SAMD5: variants seen among roughly 807,000 people sequenced by gnomAD.
SAMD5 encodes the protein sterile alpha motif domain containing 5, also known as sterile alpha motif domain-containing protein 5.
SAMD5 carries 13 observed loss-of-function variants against 11.3 expected under a neutral mutation model. The observed-to-expected ratio is 1.15, with a 90% CI of 0.75 to 1.83. SAMD5 has a LOEUF of 1.83. SAMD5 is among the 40% of genes most tolerant of loss of function. The pLI, the probability that SAMD5 is intolerant of heterozygous loss-of-function variation, is 0.00. For missense variants in SAMD5, 255 were observed against 239.1 expected (o/e 1.07, Z -0.44); for synonymous variants, 129 against 111.3 (o/e 1.16, Z -1.00).
rs561899356 is a variant in SAMD5 at position 147,712,079 on chromosome 6, A to T, written c.163-25238A>T. Among the ~76,000 whole-genome samples the T allele has an allele frequency of 9.2e-5, 14 of 152,330 alleles. No homozygotes were observed. In the South Asian group the frequency reaches 2.7e-3, roughly 29 times the overall value. On this transcript the variant is annotated intron_variant, in intron 1 of 1. Transcript: ENST00000566741. ...GAGATTGGAAACTATAAGAATTTTT[A>T]AAAATAATAGTTATTAAAATGCATA...
intron 1 of SAMD5, among the ~76,000 whole-genome samples, chr6:147,518,236 T>C (rs1022447038): frequency 2.0e-5 from 3 of 152,114 alleles, no homozygotes; most frequent in Non-Finnish European, 4.4e-5. Context: ...GGTCCTTCTG[T>C]TCTTAGAAAG....
Position 147,532,835 on chromosome 6 carries a change from T to C in SAMD5, c.459+23448T>C, listed in dbSNP as rs1313970069. 5.3e-5 allele frequency among the ~76,000 whole-genome samples: 8 copies of C among 152,306 alleles called. No individual in the cohort carries two copies. In the South Asian group the frequency reaches 1.0e-3, roughly 20 times the overall value. ...AGTACGGTTTATAACATAGTTATAA[T>C]GAGGTTATGAATGGGTCCACGTGCA... On this transcript the variant is annotated intron_variant, in intron 1 of 1. Coordinates refer to ENST00000367474, the MANE Select transcript of SAMD5 (RefSeq NM_001030060.3).
At chr6:147,519,677 CA>C (rs1206256552) in intron 1 of SAMD5, among the ~76,000 whole-genome samples, 1 of 152,180 alleles carries the variant, frequency 6.6e-6, no homozygotes, top group Non-Finnish European at 1.5e-5. Flanking sequence ...GGCAGCTTTA[CA>C]AACTTACTCT....
the SAMD5 span, among the ~76,000 whole-genome samples, chr6:147,831,566 G>A: frequency 6.0e-4 from 91 of 152,160 alleles, no homozygotes; most frequent in African/African-American, 2.1e-3. Flanking sequence ...AGACCTGTAG[G>A]CTTGGGAAAC....
At chr6:147,934,425 A>C in the SAMD5 span, among the ~76,000 whole-genome samples, 1 of 152,156 alleles carries the variant, frequency 6.6e-6, no homozygotes, top group Non-Finnish European at 1.5e-5. Flanking sequence ...TAAGCGAAAA[A>C]TCACCATTCT....
At chr6:147,819,063 ACATGAAATCAACCTAAATGC>A in the SAMD5 span, among the ~76,000 whole-genome samples, 1 of 152,202 alleles carries the variant, frequency 6.6e-6, no homozygotes, top group African/African-American at 2.4e-5. Context: ...AATAGCAAAG[ACATGAAATCAACCTAAATGC>A]CAATCAATGG....
At chr6:147,640,771 A>G (rs952372401) in intron 1 of SAMD5, among the ~76,000 whole-genome samples, 1 of 152,220 alleles carries the variant, frequency 6.6e-6, no homozygotes, top group African/African-American at 2.4e-5. Context: ...AAAAGCACCT[A>G]GAAAAGTTGC....
intron 1 of SAMD5, among the ~76,000 whole-genome samples, chr6:147,624,263 C>T (rs1790015604): frequency 6.6e-6 from 1 of 152,056 alleles, no homozygotes; most frequent in African/African-American, 2.4e-5. Flanking sequence ...CTCAGAAGGC[C>T]GAGCCCAGCT....
At chr6:147,556,249 C>G (rs556459276) in intron 1 of SAMD5, among the ~76,000 whole-genome samples, 2 of 151,920 alleles carry the variant, frequency 1.3e-5, no homozygotes, top group East Asian at 3.9e-4. Flanking sequence ...CCTGCCACCA[C>G]GCCCGGCTAA....
At chr6:147,542,822 C>T (rs951841381) in intron 1 of SAMD5, among the ~76,000 whole-genome samples, 4 of 152,042 alleles carry the variant, frequency 2.6e-5, no homozygotes, top group African/African-American at 9.7e-5. Flanking sequence ...CAATCTAGTC[C>T]CCAGGCATGA....
chr6:147,643,440 T>G (rs1237751701), intron 1 of SAMD5, among the ~76,000 whole-genome samples: 2 of 152,128 alleles, frequency 1.3e-5, no homozygotes, highest in East Asian at 3.9e-4. Context: ...GTGTAGTAGT[T>G]CTATTCCTTC....
At chr6:147,913,818 T>A in the SAMD5 span, among the ~76,000 whole-genome samples, 1 of 152,208 alleles carries the variant, frequency 6.6e-6, no homozygotes, top group African/African-American at 2.4e-5. Flanking sequence ...CATACATGCA[T>A]GTGTATATAT....
the SAMD5 span, among the ~76,000 whole-genome samples, chr6:147,882,039 C>T: frequency 6.6e-6 from 1 of 152,124 alleles, no homozygotes; most frequent in Admixed American, 6.5e-5. Flanking sequence ...GGTGTGTATT[C>T]GTTTATAAGA....
At chr6:147,850,016 T>G in the SAMD5 span, among the ~76,000 whole-genome samples, 2 of 152,242 alleles carry the variant, frequency 1.3e-5, no homozygotes, top group African/African-American at 4.8e-5. Context: ...TTAAGAGCAG[T>G]CTGATCTTTT....
At chr6:147,663,097 T>C (rs1790669410) in intron 1 of SAMD5, among the ~76,000 whole-genome samples, 1 of 152,216 alleles carries the variant, frequency 6.6e-6, no homozygotes, top group Non-Finnish European at 1.5e-5. Context: ...TCAATTCTAG[T>C]GTGAATTACC....
At chr6:147,733,219 T>C (rs1791743056) in intron 1 of SAMD5, among the ~76,000 whole-genome samples, 1 of 152,254 alleles carries the variant, frequency 6.6e-6, no homozygotes, top group African/African-American at 2.4e-5. Flanking sequence ...CATTAATAAT[T>C]GAACAGCATC....
At chr6:147,630,403 G>C (rs559223732) in intron 1 of SAMD5, among the ~76,000 whole-genome samples, 1 of 152,170 alleles carries the variant, frequency 6.6e-6, no homozygotes, top group African/African-American at 2.4e-5. Flanking sequence ...AAGCCTGCAC[G>C]TATTTGTCCA....
chr6:147,904,743 AC>A, the SAMD5 span, among the ~76,000 whole-genome samples: 4 of 152,160 alleles, frequency 2.6e-5, no homozygotes, highest in African/African-American at 9.7e-5. Context: ...TGCCAGCTTT[AC>A]CACAGAGATC....
At chr6:147,871,148 T>G in the SAMD5 span, among the ~76,000 whole-genome samples, 3 of 152,214 alleles carry the variant, frequency 2.0e-5, no homozygotes, top group African/African-American at 7.2e-5. Context: ...AAGTCACCAT[T>G]AATACAAACC....
Sources: allele counts gnomAD v4.1 joint callset (sites outside exome capture counted in the v4.1 genomes callset), GRCh38; gene constraint gnomAD v4.1.1; transcripts MANE v1.5; gene names NCBI Gene and HGNC (gene_info 2026-07-23, HGNC 2026-07-21).